Variants in SNAP25 observed in about 807,000 individuals in gnomAD.
The protein encoded by SNAP25 is synaptosome associated protein 25.
A neutral mutation model predicts 28.7 loss-of-function variants in SNAP25; 3 were observed. The observed-to-expected ratio is 0.10, with a 90% CI of 0.05 to 0.27. The LOEUF (loss-of-function observed/expected upper bound fraction) is 0.27, where lower values mean the gene tolerates loss of function less well. Among genes scored for constraint, SNAP25 ranks in the 10% least tolerant of loss-of-function variants. SNAP25 has a pLI of 1.00. For missense variants in SNAP25, 117 were observed against 278.7 expected (o/e 0.42, Z 4.13); for synonymous variants, 61 against 88.1 (o/e 0.69, Z 1.72).
At chr20:10,274,481 AAGT>A (rs1445730528) in intron 1 of SNAP25, among the ~76,000 whole-genome samples, 1 of 152,268 alleles carries the variant, frequency 6.6e-6, no homozygotes, top group East Asian at 1.9e-4. Context: ...GGCAGACAAA[AAGT>A]AGTACACACT....
chr20:10,280,298 C>T (rs2063757957), intron 3 of SNAP25, among the ~76,000 whole-genome samples: 1 of 152,114 alleles, frequency 6.6e-6, no homozygotes, highest in Non-Finnish European at 1.5e-5. Flanking sequence ...TGTAAAACTA[C>T]ACAGAGGTGA....
At chr20:10,249,919 T>C (rs540246362) in intron 1 of SNAP25, among the ~76,000 whole-genome samples, 8 of 152,242 alleles carry the variant, frequency 5.3e-5, no homozygotes, top group African/African-American at 1.9e-4. Flanking sequence ...TTAGTGACCA[T>C]CAGGATCACC....
intron 1 of SNAP25, among the ~76,000 whole-genome samples, chr20:10,222,550 A>C (rs2062653512): frequency 6.6e-6 from 1 of 152,240 alleles, no homozygotes; most frequent in Non-Finnish European, 1.5e-5. Flanking sequence ...GCTGGGATGC[A>C]GAGTTGGAGC....
chr20:10,282,691 T>C (rs1034112952), intron 3 of SNAP25, among the ~76,000 whole-genome samples: 5 of 152,198 alleles, frequency 3.3e-5, no homozygotes, highest in Non-Finnish European at 7.3e-5. Context: ...GAAGATTTCA[T>C]GTGTGGCCTG....
intron 7 of SNAP25, among the ~76,000 whole-genome samples, chr20:10,301,906 A>AT (rs1437084699): frequency 6.8e-6 from 1 of 147,346 alleles, no homozygotes. Context: ...GTATATGGTT[A>AT]TTATATATAT....
intron 1 of SNAP25, among the ~76,000 whole-genome samples, chr20:10,234,488 C>A (rs578001764): frequency 3.5e-4 from 53 of 152,356 alleles, no homozygotes; most frequent in African/African-American, 1.3e-3. Flanking sequence ...AGGCAGGGTA[C>A]TTCCTCTCCA....
At position 10,306,695 on chromosome 20, in the gene SNAP25, T is replaced by C. The variant is rs1458761926; in HGVS notation, c.*498T>C. ...ACAATGTGGAATTACATAACAGGCATTGCACTAAAAGTGATGTGATTTATG... is the reference window on the plus strand; with the variant it reads ...ACAATGTGGAATTACATAACAGGCACTGCACTAAAAGTGATGTGATTTATG... On this transcript the variant is annotated 3_prime_UTR_variant, in exon 8 of 8. Coordinates refer to ENST00000254976, the MANE Select transcript of SNAP25 (RefSeq NM_130811.4). 6.5e-6 allele frequency: 1 copy of C among 153,320 alleles called. No individual in the cohort carries two copies. The highest frequency in any genetic ancestry group is 1.5e-5 in the Non-Finnish European group (1 of 68,534). The allele number at this position is 153,320 out of a possible 1,614,324, so 9.5% of individuals were successfully genotyped here.
chr20:10,284,807 C>A (rs941560533), intron 4 of SNAP25, 35 bp downstream of exon 4: 1 of 1,542,824 alleles, frequency 6.5e-7, no homozygotes, highest in African/African-American at 1.4e-5. Context: ...AACAATTCCT[C>A]TTCTGAATAA....
At chr20:10,246,881 A>T (rs1023709124) in intron 1 of SNAP25, among the ~76,000 whole-genome samples, 2 of 152,162 alleles carry the variant, frequency 1.3e-5, no homozygotes, top group African/African-American at 4.8e-5. Flanking sequence ...ATGTAGTTGC[A>T]ATTTAGCATA....
intron 7 of SNAP25, among the ~76,000 whole-genome samples, chr20:10,303,904 G>A (rs143293736): frequency 5.9e-5 from 9 of 152,286 alleles, no homozygotes; most frequent in Non-Finnish European, 1.3e-4. Flanking sequence ...TAGTAAATGT[G>A]CATCTGTTAA....
chr20:10,272,039 G>T (rs2063604041), intron 1 of SNAP25, among the ~76,000 whole-genome samples: 1 of 152,130 alleles, frequency 6.6e-6, no homozygotes, highest in Admixed American at 6.5e-5. Context: ...GCACTCTGCT[G>T]GTTTCCCTGG....
At chr20:10,269,546 T>C (rs1182195659) in intron 1 of SNAP25, among the ~76,000 whole-genome samples, 2 of 152,236 alleles carry the variant, frequency 1.3e-5, no homozygotes, top group Middle Eastern at 3.2e-3. Context: ...GCTCTGGGGA[T>C]ATTAAGATTG....
intron 1 of SNAP25, among the ~76,000 whole-genome samples, chr20:10,260,722 C>A (rs868065367): frequency 2.1e-5 from 3 of 146,134 alleles, no homozygotes; most frequent in African/African-American, 7.7e-5. Context: ...CACACACACA[C>A]AAACACACAC....
intron 7 of SNAP25, among the ~76,000 whole-genome samples, chr20:10,303,472 A>G (rs1417113372): frequency 1.3e-5 from 2 of 152,232 alleles, no homozygotes; most frequent in Non-Finnish European, 2.9e-5. Context: ...GAACATGGAT[A>G]ATTCTAATGT....
chr20:10,248,753 T>C (rs1273807639), intron 1 of SNAP25, among the ~76,000 whole-genome samples: 3 of 152,202 alleles, frequency 2.0e-5, no homozygotes, highest in African/African-American at 7.2e-5. Flanking sequence ...GTACTATTGA[T>C]CCACATCCAA....
chr20:10,260,848 A>C (rs1258411404), intron 1 of SNAP25, among the ~76,000 whole-genome samples: 1 of 152,188 alleles, frequency 6.6e-6, no homozygotes, highest in African/African-American at 2.4e-5. Flanking sequence ...AACATCCATT[A>C]GGTTAATTAG....
intron 1 of SNAP25, among the ~76,000 whole-genome samples, chr20:10,253,612 G>A (rs1021739829): frequency 2.0e-5 from 3 of 152,110 alleles, no homozygotes; most frequent in Middle Eastern, 3.2e-3. Flanking sequence ...ATGAGTGGTC[G>A]GGCAGCCAAG....
chr20:10,241,963 C>A (rs1427935752), intron 1 of SNAP25, among the ~76,000 whole-genome samples: 2 of 152,012 alleles, frequency 1.3e-5, no homozygotes, highest in African/African-American at 4.8e-5. Flanking sequence ...GCTGCAGCTC[C>A]AGAGTATGAC....
In SNAP25 at chr20:10,245,711, T is replaced by G. The variant is rs182061292; in HGVS notation, c.-64+26734T>G. 2.3e-4 allele frequency among the ~76,000 whole-genome samples: 35 copies of G among 149,750 alleles called. 1 individual carries two copies. Among genetic ancestry groups the G allele is most frequent in the South Asian group, 1.7e-3 (8 of 4,744 alleles). The stretch of plus-strand genomic sequence containing the variant: ...TCTTATACACACACACACACACACA[T>G]ACTGACAATTCCCACACAATAAGTG... On this transcript the variant is annotated intron_variant, in intron 1 of 7. Coordinates refer to ENST00000254976, the MANE Select transcript of SNAP25 (RefSeq NM_130811.4).
Sources: allele counts gnomAD v4.1 joint callset (sites outside exome capture counted in the v4.1 genomes callset), GRCh38; gene constraint gnomAD v4.1.1; transcripts MANE v1.5; gene names NCBI Gene and HGNC (gene_info 2026-07-23, HGNC 2026-07-21).